The following TMEM117 variants were observed in gnomAD, a reference collection of about 807,000 sequenced individuals.
The protein encoded by TMEM117 is transmembrane protein 117.
In TMEM117, 27 loss-of-function variants were observed where a neutral mutation model predicts 52.4. The ratio of observed to expected loss-of-function variants is 0.51; its 90% CI spans 0.38 to 0.71. TMEM117 has a LOEUF of 0.71. Among genes scored for constraint, TMEM117 ranks in the 30% least tolerant of loss-of-function variants. The pLI, the probability that TMEM117 is intolerant of heterozygous loss-of-function variation, is 0.00. For missense variants in TMEM117, 556 were observed against 630.5 expected, an observed-to-expected ratio of 0.88 and a Z score of 1.26; for synonymous variants, 215 against 206.3, an observed-to-expected ratio of 1.04 and a Z score of -0.36.
intron 3 of TMEM117, among the ~76,000 whole-genome samples, chr12:43,996,905 T>C (rs1222879139): frequency 6.6e-6 from 1 of 152,156 alleles, no homozygotes; most frequent in Non-Finnish European, 1.5e-5. Context: ...TCACTGGGCA[T>C]ATTTGTTGGT....
At chr12:44,332,900 A>G (rs1169850116) in intron 6 of TMEM117, among the ~76,000 whole-genome samples, 1 of 152,074 alleles carries the variant, frequency 6.6e-6, no homozygotes, top group Non-Finnish European at 1.5e-5. Context: ...GAAAATATCC[A>G]TATCTTTAAG....
intron 3 of TMEM117, among the ~76,000 whole-genome samples, chr12:43,989,764 ATTG>A (rs1312405696): frequency 6.6e-6 from 1 of 152,054 alleles, no homozygotes; most frequent in Non-Finnish European, 1.5e-5. Context: ...ATTATTAATT[ATTG>A]TTATTATTTT....
intron 2 of TMEM117, among the ~76,000 whole-genome samples, chr12:43,914,414 G>A (rs1413045620): frequency 1.3e-5 from 2 of 152,096 alleles, no homozygotes; most frequent in Admixed American, 6.6e-5. Flanking sequence ...CCTGCACTAA[G>A]TCTGATCTGG....
chr12:44,250,559 T>C (rs1191510996), intron 5 of TMEM117, among the ~76,000 whole-genome samples: 2 of 152,126 alleles, frequency 1.3e-5, no homozygotes, highest in Non-Finnish European at 2.9e-5. Context: ...TGCAGCAGTA[T>C]TTACAATAGC....
intron 3 of TMEM117, among the ~76,000 whole-genome samples, chr12:43,982,277 A>C (rs1403015786): frequency 6.6e-6 from 1 of 152,176 alleles, no homozygotes; most frequent in East Asian, 1.9e-4. Context: ...AGGAATACAA[A>C]ATGATCAGAA....
At chr12:44,268,315 T>A (rs1024746723) in intron 5 of TMEM117, among the ~76,000 whole-genome samples, 1 of 151,938 alleles carries the variant, frequency 6.6e-6, no homozygotes, top group African/African-American at 2.4e-5. Flanking sequence ...TTTTTTTTTT[T>A]ATACTTTTAG....
At chr12:44,391,165 G>A (rs1952159977), downstream of TMEM117, among the ~76,000 whole-genome samples, 3 of 152,088 alleles carry the variant, frequency 2.0e-5, no homozygotes, top group Non-Finnish European at 4.4e-5. Context: ...TGCAGAATTT[G>A]AACTAATTTG....
In TMEM117 at chr12:43,870,807, G is replaced by A. The variant is rs116449424; in HGVS notation, c.277+25879G>A. Among the ~76,000 whole-genome samples, 154 of 152,052 alleles carry A rather than the reference G, an allele frequency of 1.0e-3. 6 individuals carry two copies. The South Asian group carries it at 0.025, about 25-fold the overall frequency. On this transcript the variant is annotated intron_variant, in intron 2 of 7. Transcript: ENST00000266534. ...TTTGCTTTTGTTTTCTTTTTGAGAC[G>A]GAGTATCGCTGTTGTTGCCAGGGCT... is the stretch of plus-strand genomic sequence containing the variant.
At chr12:44,122,344 T>A (rs1157762727) in intron 3 of TMEM117, among the ~76,000 whole-genome samples, 2 of 152,136 alleles carry the variant, frequency 1.3e-5, no homozygotes, top group Admixed American at 1.3e-4. Context: ...ATGCCCAGCC[T>A]CTTTTTCTTT....
downstream of TMEM117, among the ~76,000 whole-genome samples, chr12:44,394,257 G>A (rs1323763976): frequency 1.3e-5 from 2 of 152,144 alleles, no homozygotes; most frequent in African/African-American, 2.4e-5. Context: ...ACAGGGTTTC[G>A]AAGAGGACCA....
chr12:43,906,092 ATTTTT>A (rs1403109787), intron 2 of TMEM117, among the ~76,000 whole-genome samples: 1 of 152,136 alleles, frequency 6.6e-6, no homozygotes, highest in Non-Finnish European at 1.5e-5. Flanking sequence ...CTCCTACTTT[ATTTTT>A]TCTATTTTAT....
chr12:44,047,311 C>G (rs540581521), intron 3 of TMEM117, among the ~76,000 whole-genome samples: 5 of 152,014 alleles, frequency 3.3e-5, no homozygotes, highest in East Asian at 1.9e-4. Context: ...GCTCATAATC[C>G]ATGGGATTTT....
At chr12:44,142,132 A>T (rs113130633) in intron 3 of TMEM117, among the ~76,000 whole-genome samples, 3 of 152,308 alleles carry the variant, frequency 2.0e-5, no homozygotes, top group African/African-American at 7.2e-5. Flanking sequence ...TCTCAATTTC[A>T]TATTGTGAAT....
chr12:44,265,931 A>T (rs1950372538), intron 5 of TMEM117, among the ~76,000 whole-genome samples: 1 of 152,226 alleles, frequency 6.6e-6, no homozygotes, highest in Non-Finnish European at 1.5e-5. Flanking sequence ...TTAATCATTC[A>T]TTACTTTTTA....
At chr12:44,065,389 A>C (rs1947206756) in intron 3 of TMEM117, among the ~76,000 whole-genome samples, 1 of 152,098 alleles carries the variant, frequency 6.6e-6, no homozygotes, top group Non-Finnish European at 1.5e-5. Flanking sequence ...CTCTGTCTCA[A>C]ATAAAAAGAA....
chr12:44,332,693 T>C (rs1241383068), intron 6 of TMEM117, among the ~76,000 whole-genome samples: 3 of 145,884 alleles, frequency 2.1e-5, no homozygotes, highest in African/African-American at 7.6e-5. Context: ...TAAAAACAAA[T>C]TAAACAAACT....
At chr12:43,815,960 C>T in the TMEM117 span, among the ~76,000 whole-genome samples, 8,078 of 152,234 alleles carry the variant, frequency 0.053, 281 homozygotes, top group Middle Eastern at 0.15. Flanking sequence ...AAATTTTTTG[C>T]GTTAAATTTT....
chr12:44,026,044 T>TCTG (rs1336950896), intron 3 of TMEM117, among the ~76,000 whole-genome samples: 2 of 152,176 alleles, frequency 1.3e-5, no homozygotes, highest in Non-Finnish European at 2.9e-5. Flanking sequence ...TTTTCTACCC[T>TCTG]CTGCACTGGA....
At chr12:44,180,455 A>C (rs1949178357) in intron 4 of TMEM117, among the ~76,000 whole-genome samples, 2 of 147,988 alleles carry the variant, frequency 1.4e-5, no homozygotes, top group East Asian at 2.1e-4. Context: ...TGCACCCACT[A>C]ACTCGTCATC....
Sources: gnomAD v4.1 joint callset for allele counts (sites outside exome capture counted in the v4.1 genomes callset) on GRCh38, gnomAD v4.1.1 for gene constraint, MANE v1.5 for transcripts, NCBI Gene and HGNC (gene_info 2026-07-23, HGNC 2026-07-21) for gene names.